Variants in GRIK1 observed in about 807,000 individuals in gnomAD.
GRIK1 encodes glutamate receptor ionotropic, kainate 1.
A neutral mutation model predicts 105.7 loss-of-function variants in GRIK1; 69 were observed. That is an observed-to-expected ratio of 0.65 (90% CI 0.54 to 0.80). GRIK1 has a LOEUF of 0.80. GRIK1 is among the 30% of genes least tolerant of loss of function. GRIK1 has a pLI of 0.00. For missense variants in GRIK1, 1,109 were observed against 1,167.3 expected (o/e 0.95, Z 0.73); for synonymous variants, 438 against 431.3 (o/e 1.02, Z -0.19).
intron 15 of GRIK1, among the ~76,000 whole-genome samples, chr21:29,560,531 T>TCTTA: frequency 1.1e-5 from 1 of 90,536 alleles, no homozygotes; most frequent in Non-Finnish European, 2.1e-5. Context: ...TTTCTTTCTT[T>TCTTA]CTTTCTTTCT....
chr21:29,538,738 A>G (rs1018672408), intron 16 of GRIK1, among the ~76,000 whole-genome samples: 5 of 152,140 alleles, frequency 3.3e-5, no homozygotes, highest in Admixed American at 3.3e-4. Flanking sequence ...ACGGGAAGAA[A>G]TTTGTGTTCT....
chr21:29,653,401 A>G (rs533597285), intron 5 of GRIK1, among the ~76,000 whole-genome samples: 29 of 152,352 alleles, frequency 1.9e-4, no homozygotes, highest in South Asian at 1.0e-3. Flanking sequence ...CCGATTTGCT[A>G]CATCCCCTTG....
chr21:29,785,045 G>T (rs1197028627), intron 1 of GRIK1, among the ~76,000 whole-genome samples: 1 of 152,066 alleles, frequency 6.6e-6, no homozygotes. Context: ...CAAACCCAGG[G>T]TGATTAGTCA....
At chr21:29,909,615 T>C (rs2070749433) in intron 1 of GRIK1, among the ~76,000 whole-genome samples, 1 of 152,148 alleles carries the variant, frequency 6.6e-6, no homozygotes, top group South Asian at 2.1e-4. Context: ...TCATTTACAT[T>C]GTTGAAACCT....
At chr21:29,564,275 G>A (rs961540529) in intron 14 of GRIK1, among the ~76,000 whole-genome samples, 2 of 151,378 alleles carry the variant, frequency 1.3e-5, no homozygotes, top group East Asian at 3.9e-4. Context: ...AGCCTCCCAA[G>A]TAGCTGGGAC....
chr21:29,760,669 G>T (rs1004873845), intron 1 of GRIK1, among the ~76,000 whole-genome samples: 1 of 152,182 alleles, frequency 6.6e-6, no homozygotes, highest in Non-Finnish European at 1.5e-5. Context: ...AAACAGTACC[G>T]AATTTGAAAG....
At chr21:29,688,097 A>G (rs951028775) in intron 3 of GRIK1, among the ~76,000 whole-genome samples, 2 of 152,228 alleles carry the variant, frequency 1.3e-5, no homozygotes, top group African/African-American at 2.4e-5. Context: ...ATTTGATTAG[A>G]TAATGATTTA....
At chr21:29,768,149 T>C (rs1601643839) in intron 1 of GRIK1, among the ~76,000 whole-genome samples, 1 of 152,138 alleles carries the variant, frequency 6.6e-6, no homozygotes, top group African/African-American at 2.4e-5. Context: ...CTGGATGACC[T>C]CCTTTATGGG....
At chr21:29,813,857 T>G (rs2067077018) in intron 1 of GRIK1, among the ~76,000 whole-genome samples, 1 of 151,424 alleles carries the variant, frequency 6.6e-6, no homozygotes, top group Non-Finnish European at 1.5e-5. Flanking sequence ...TGAAGTGTCT[T>G]GTCCATCCAC....
chr21:29,857,472 A>C (rs1380529163), intron 1 of GRIK1, among the ~76,000 whole-genome samples: 5 of 152,216 alleles, frequency 3.3e-5, no homozygotes, highest in Admixed American at 3.3e-4. Context: ...CATTTGTATA[A>C]GGAGTTTATG....
chr21:29,906,647 A>C (rs2070651098), intron 1 of GRIK1, among the ~76,000 whole-genome samples: 2 of 148,270 alleles, frequency 1.3e-5, no homozygotes. Context: ...CAAACAGAAA[A>C]GAAGAAAAGG....
At chr21:29,819,658 T>A (rs2067245317) in intron 1 of GRIK1, among the ~76,000 whole-genome samples, 1 of 151,994 alleles carries the variant, frequency 6.6e-6, no homozygotes, top group African/African-American at 2.4e-5. Context: ...CTAACTTCTA[T>A]AAGGTCATCA....
chr21:29,810,643 A>G (rs1231370869), intron 1 of GRIK1, among the ~76,000 whole-genome samples: 1 of 152,124 alleles, frequency 6.6e-6, no homozygotes, highest in Non-Finnish European at 1.5e-5. Flanking sequence ...TTCACTTATT[A>G]AATCCAAGAA....
intron 1 of GRIK1, chr21:29,861,726 A>G (rs1335554744): frequency 2.4e-6 from 1 of 425,016 alleles, no homozygotes; most frequent in Admixed American, 2.7e-5. Flanking sequence ...GATTATATGC[A>G]TTTTTCTTGT....
chr21:29,746,728 C>T (rs2065058146), intron 1 of GRIK1, among the ~76,000 whole-genome samples: 1 of 152,104 alleles, frequency 6.6e-6, no homozygotes, highest in Non-Finnish European at 1.5e-5. Context: ...TTAGAGAGGA[C>T]ATTAAAAGAG....
intron 1 of GRIK1, among the ~76,000 whole-genome samples, chr21:29,898,168 A>T (rs1187030785): frequency 2.6e-5 from 4 of 152,174 alleles, no homozygotes; most frequent in African/African-American, 9.7e-5. Flanking sequence ...TTTCCTAAAG[A>T]CCTAATTATA....
chr21:29,572,666 C>G (rs1721497428), intron 14 of GRIK1, among the ~76,000 whole-genome samples: 1 of 152,178 alleles, frequency 6.6e-6, no homozygotes, highest in Non-Finnish European at 1.5e-5. Flanking sequence ...CTTGGCTCTT[C>G]CATTGCTAGC....
At chr21:29,717,133 A>G (rs2146839907) in intron 1 of GRIK1, among the ~76,000 whole-genome samples, 1 of 152,344 alleles carries the variant, frequency 6.6e-6, no homozygotes, top group South Asian at 2.1e-4. Context: ...AGGTTTGGGA[A>G]CCTTCACCTA....
At chr21:29,679,080 G>A (rs919914637) in intron 3 of GRIK1, among the ~76,000 whole-genome samples, 6 of 152,186 alleles carry the variant, frequency 3.9e-5, no homozygotes, top group African/African-American at 1.4e-4. Flanking sequence ...CATTAAATGA[G>A]TTAATCATCT....
Sources: allele counts gnomAD v4.1 joint callset (sites outside exome capture counted in the v4.1 genomes callset), GRCh38; gene constraint gnomAD v4.1.1; transcripts MANE v1.5; gene names NCBI Gene and HGNC (gene_info 2026-07-23, HGNC 2026-07-21).